TRPC4: variants seen among roughly 807,000 people sequenced by gnomAD.
TRPC4 encodes transient receptor potential cation channel subfamily C member 4, also known as short transient receptor potential channel 4.
A neutral mutation model predicts 99.4 loss-of-function variants in TRPC4; 49 were observed. The ratio of observed to expected loss-of-function variants is 0.49; its 90% CI spans 0.39 to 0.63. TRPC4 has a LOEUF of 0.63. Ranked by LOEUF, TRPC4 falls within the 20% of genes least tolerant of loss-of-function variation. The pLI is 0.00. For synonymous variants in TRPC4, 454 were observed against 425.9 expected (o/e 1.07, Z -0.81); for missense variants, 898 against 1,152.9 (o/e 0.78, Z 3.20).
At chr13:37,848,613 G>A (rs951679314) in intron 1 of TRPC4, among the ~76,000 whole-genome samples, 2 of 151,980 alleles carry the variant, frequency 1.3e-5, no homozygotes, top group African/African-American at 2.4e-5. Context: ...TCTCCAATAT[G>A]ACACACACAC....
chr13:37,788,297 T>C (rs1957023133), intron 1 of TRPC4, among the ~76,000 whole-genome samples: 1 of 152,146 alleles, frequency 6.6e-6, no homozygotes, highest in Non-Finnish European at 1.5e-5. Context: ...TAATTCTCAT[T>C]GTTATTTTTA....
chr13:37,732,360 G>A (rs1955265863), intron 3 of TRPC4, among the ~76,000 whole-genome samples: 1 of 152,058 alleles, frequency 6.6e-6, no homozygotes, highest in South Asian at 2.1e-4. Flanking sequence ...GAAACAATGA[G>A]ATAATAAGTT....
At chr13:37,819,835 A>C (rs1389755228) in intron 1 of TRPC4, among the ~76,000 whole-genome samples, 1 of 151,748 alleles carries the variant, frequency 6.6e-6, no homozygotes, top group Non-Finnish European at 1.5e-5. Context: ...AAGTTAAAAA[A>C]AAAAACAAAA....
chr13:37,739,121 A>G (rs1175605757), intron 3 of TRPC4, among the ~76,000 whole-genome samples: 1 of 152,192 alleles, frequency 6.6e-6, no homozygotes, highest in Non-Finnish European at 1.5e-5. Flanking sequence ...GACATTTGCA[A>G]TAAAGGAATG....
intron 7 of TRPC4, among the ~76,000 whole-genome samples, chr13:37,653,978 T>C (rs2138631816): frequency 6.6e-6 from 1 of 152,268 alleles, no homozygotes. Context: ...AAATTCAAAG[T>C]ATCCACAAAT....
At chr13:37,811,685 G>T (rs76342688) in intron 1 of TRPC4, among the ~76,000 whole-genome samples, 10,461 of 152,150 alleles carry the variant, frequency 0.069, 488 homozygotes, top group Non-Finnish European at 0.11. Flanking sequence ...CATCTGTGAA[G>T]ATAACAGGGA....
At chr13:37,719,846 A>T (rs989785142) in intron 3 of TRPC4, among the ~76,000 whole-genome samples, 1 of 152,156 alleles carries the variant, frequency 6.6e-6, no homozygotes, top group Admixed American at 6.5e-5. Flanking sequence ...AAGGTTGCAG[A>T]TGGAATTAAG....
intron 1 of TRPC4, among the ~76,000 whole-genome samples, chr13:37,865,659 A>G (rs955111867): frequency 1.3e-5 from 2 of 151,722 alleles, no homozygotes; most frequent in Non-Finnish European, 3.0e-5. Flanking sequence ...CAAGAAACAA[A>G]TAGCTGAAAA....
chr13:37,756,671 T>C (rs1042436213), intron 2 of TRPC4, among the ~76,000 whole-genome samples: 3 of 151,938 alleles, frequency 2.0e-5, no homozygotes, highest in African/African-American at 7.3e-5. Context: ...TAGCTGGGAT[T>C]ACAGGCAGGC....
intron 5 of TRPC4, among the ~76,000 whole-genome samples, chr13:37,671,903 A>T (rs535786646): frequency 1.3e-5 from 2 of 152,192 alleles, no homozygotes; most frequent in Admixed American, 1.3e-4. Flanking sequence ...AACTCCTATG[A>T]CCATATATTA....
chr13:37,824,462 A>G (rs922523162), intron 1 of TRPC4, among the ~76,000 whole-genome samples: 11 of 152,038 alleles, frequency 7.2e-5, no homozygotes, highest in Admixed American at 3.3e-4. Context: ...TACCTAATTT[A>G]TTGAGAGTTT....
At chr13:37,645,272 A>G (rs1356482373) in intron 8 of TRPC4, among the ~76,000 whole-genome samples, 1 of 152,122 alleles carries the variant, frequency 6.6e-6, no homozygotes, top group Non-Finnish European at 1.5e-5. Context: ...CTAGTGAGAA[A>G]CTGCTGCTGC....
At chr13:37,869,112 ACAT>A (rs1959982100) in intron 1 of TRPC4, among the ~76,000 whole-genome samples, 1 of 152,148 alleles carries the variant, frequency 6.6e-6, no homozygotes, top group Non-Finnish European at 1.5e-5. Flanking sequence ...GATCGGTAGA[ACAT>A]TGATCACTCT....
At chr13:37,857,581 G>A (rs971633397) in intron 1 of TRPC4, among the ~76,000 whole-genome samples, 3 of 150,808 alleles carry the variant, frequency 2.0e-5, no homozygotes, top group Non-Finnish European at 3.0e-5. Context: ...TTAAACAAAT[G>A]GAATAGAATA....
chr13:37,674,467 C>T, intron 4 of TRPC4, 100 bp from the exon 5 acceptor site: 4 of 1,298,292 alleles, frequency 3.1e-6, no homozygotes, highest in South Asian at 1.5e-5. Flanking sequence ...CTACAAGAGA[C>T]CACATTGTTA....
intron 1 of TRPC4, among the ~76,000 whole-genome samples, chr13:37,828,912 C>T (rs898803219): frequency 4.6e-5 from 7 of 152,156 alleles, no homozygotes; most frequent in African/African-American, 7.2e-5. Context: ...ATCAGACTCA[C>T]ACAACACACA....
intron 3 of TRPC4, among the ~76,000 whole-genome samples, chr13:37,712,133 C>G (rs1382098738): frequency 6.6e-6 from 1 of 151,990 alleles, no homozygotes; most frequent in Non-Finnish European, 1.5e-5. Context: ...TGATGGATAT[C>G]TTTAGAAATT....
chr13:37,748,440 A>T (rs1955844413), intron 2 of TRPC4, among the ~76,000 whole-genome samples: 1 of 152,206 alleles, frequency 6.6e-6, no homozygotes, highest in African/African-American at 2.4e-5. Context: ...TTTATTTTAA[A>T]AATAAGTATA....
intron 3 of TRPC4, among the ~76,000 whole-genome samples, chr13:37,744,968 A>T (rs1214749551): frequency 6.6e-6 from 1 of 152,110 alleles, no homozygotes; most frequent in East Asian, 1.9e-4. Context: ...CTTGCGATGA[A>T]CTTACTTGGT....
Sources: gnomAD v4.1 joint callset for allele counts (sites outside exome capture counted in the v4.1 genomes callset) on GRCh38, gnomAD v4.1.1 for gene constraint, MANE v1.5 for transcripts, NCBI Gene and HGNC (gene_info 2026-07-23, HGNC 2026-07-21) for gene names.